The following TDRD12 variants were observed in gnomAD, a reference collection of about 807,000 sequenced individuals.
TDRD12 encodes tudor domain containing 12.
A neutral mutation model predicts 133.5 loss-of-function variants in TDRD12; 158 were observed. That is an observed-to-expected ratio of 1.18 (90% CI 1.04 to 1.35). The LOEUF (loss-of-function observed/expected upper bound fraction) is 1.35, where lower values mean the gene tolerates loss of function less well. Ranked by LOEUF, TDRD12 falls within the 40% of genes most tolerant of loss-of-function variation. The pLI, the probability that TDRD12 is intolerant of heterozygous loss-of-function variation, is 0.00. For missense variants in TDRD12, 1,443 were observed against 1,321.3 expected (o/e 1.09, Z -1.43); for synonymous variants, 460 against 477.9 (o/e 0.96, Z 0.49).
intron 20 of TDRD12, 52 bp from the exon 21 acceptor site, chr19:32,802,870 C>G: frequency 3.3e-6 from 5 of 1,527,452 alleles, no homozygotes; most frequent in Non-Finnish European, 4.4e-6. Flanking sequence ...AAGGTTTCCT[C>G]AGTCAGACTG....
chr19:32,741,382 A>G (rs1969421256), intron 3 of TDRD12, among the ~76,000 whole-genome samples: 1 of 152,156 alleles, frequency 6.6e-6, no homozygotes, highest in Non-Finnish European at 1.5e-5. Flanking sequence ...GCGCCAGCCA[A>G]GAGGTGTCTA....
Position 32,810,278 on chromosome 19 carries a change from G to A in TDRD12, c.2837+1G>A. 1 of 1,508,662 alleles carries A rather than the reference G, an allele frequency of 6.6e-7. No homozygotes were observed. The highest frequency in any genetic ancestry group is 8.8e-7 in the Non-Finnish European group (1 of 1,134,976). The allele number at this position is 1,508,662 out of a possible 1,614,324, so 93.5% of individuals were successfully genotyped here. A position where few individuals can be genotyped will look rare whatever the true frequency, so the allele number is the denominator to read the frequency against. ...TAGCAGAAAAAACGCTTTTTCACAGGTAACACATCTGTTTACTTCATCTGT... is the reference window on the plus strand; with the variant it reads ...TAGCAGAAAAAACGCTTTTTCACAGATAACACATCTGTTTACTTCATCTGT... On this transcript the variant is annotated splice_donor_variant, in intron 23 of 27. Coordinates refer to ENST00000444215, the Ensembl canonical transcript of TDRD12. LOFTEE classifies it high-confidence loss of function.
At chr19:32,807,627 A>G (rs900060193) in exon 22 of TDRD12, 3 of 1,535,386 alleles carry the variant, frequency 2.0e-6, no homozygotes, top group East Asian at 2.4e-5. Flanking sequence ...GCCAAGCCCT[A>G]CCTTCATTTG....
downstream of TDRD12, chr19:32,821,393 TGTGTGTGTGTGTGTGTGCGTGTGA>T (rs1967386401): frequency 5.0e-6 from 2 of 402,844 alleles, no homozygotes; most frequent in African/African-American, 5.3e-5. Context: ...TGTGTGTGTG[TGTGTGTGTGTGTGTGTGCGTGTGA>T]ACCACACCCA....
At chr19:32,776,209 T>C (rs1249784794) in intron 10 of TDRD12, among the ~76,000 whole-genome samples, 1 of 152,166 alleles carries the variant, frequency 6.6e-6, no homozygotes, top group East Asian at 1.9e-4. Context: ...CTTGGAGACA[T>C]TGGTGTGCAG....
exon 17 of TDRD12, chr19:32,800,334 T>C (rs770897086): frequency 4.9e-4 from 743 of 1,524,286 alleles, no homozygotes; most frequent in Non-Finnish European, 5.9e-4. Context: ...TGGAAGAGGC[T>C]GCTCTCTATG....
chr19:32,798,467 A>C (rs1447829629), intron 16 of TDRD12, 32 bp downstream of exon 16: 1 of 1,496,108 alleles, frequency 6.7e-7, no homozygotes, highest in Admixed American at 2.0e-5. Context: ...CAGCACTCAG[A>C]AGAGAGGCGT....
chr19:32,752,465 C>T (rs1306144925), intron 6 of TDRD12, among the ~76,000 whole-genome samples: 2 of 152,144 alleles, frequency 1.3e-5, no homozygotes, highest in African/African-American at 4.8e-5. Context: ...CAGGCGTGAG[C>T]CACCGTGCCT....
At chr19:32,727,272 G>A (rs1968891713) in intron 1 of TDRD12, among the ~76,000 whole-genome samples, 1 of 152,030 alleles carries the variant, frequency 6.6e-6, no homozygotes, top group South Asian at 2.1e-4. Context: ...TATCTTCTTT[G>A]GAGAAATGTC....
At chr19:32,725,716 A>G (rs1968837357) in intron 1 of TDRD12, among the ~76,000 whole-genome samples, 1 of 152,062 alleles carries the variant, frequency 6.6e-6, no homozygotes, top group South Asian at 2.1e-4. Flanking sequence ...TTGGTTCCCT[A>G]TCAATTTTAA....
intron 21 of TDRD12, among the ~76,000 whole-genome samples, chr19:32,805,988 T>TC (rs1971537535): frequency 6.6e-6 from 1 of 152,140 alleles, no homozygotes; most frequent in Admixed American, 6.5e-5. Flanking sequence ...TGCCTCAGCC[T>TC]CCCAAAGTGC....
At chr19:32,777,857 A>ATTTTTT (rs869285558) in intron 11 of TDRD12, among the ~76,000 whole-genome samples, 1 of 20,052 alleles carries the variant, frequency 5.0e-5, no homozygotes, top group Non-Finnish European at 8.1e-5. Context: ...ATATATATAT[A>ATTTTTT]TTTTTTTTTT....
Position 32,752,400 on chromosome 19 carries a change from A to G in TDRD12, c.582+2531A>G, listed in dbSNP as rs113038392. ...TCACCATGTTGGCCAGGCTGGTTTC[A>G]AACTCCTGACCTTAGGTGATCCACC... On this transcript the variant is annotated intron_variant, in intron 6 of 27. Coordinates refer to ENST00000444215, the Ensembl canonical transcript of TDRD12. 4.8e-4 allele frequency among the ~76,000 whole-genome samples: 72 copies of G among 149,470 alleles called. 1 individual carries two copies. Among genetic ancestry groups the G allele is most frequent in the African/African-American group, 1.8e-3 (71 of 40,516 alleles).
downstream of TDRD12, chr19:32,821,395 TGTGTGTGTGTGTGTGC>T (rs56191140): frequency 0.18 from 71,201 of 402,854 alleles, 4,319 homozygotes; most frequent in African/African-American, 0.25. Context: ...TGTGTGTGTG[TGTGTGTGTGTGTGTGC>T]GTGTGAACCA....
chr19:32,780,745 CT>C (rs1237340934), intron 11 of TDRD12, among the ~76,000 whole-genome samples: 1 of 151,634 alleles, frequency 6.6e-6, no homozygotes, highest in Non-Finnish European at 1.5e-5. Context: ...TTCACATAGC[CT>C]TTTGGTTTAC....
At chr19:32,759,522 G>A (rs4805807) in intron 8 of TDRD12, among the ~76,000 whole-genome samples, 37,951 of 151,712 alleles carry the variant, frequency 0.25, 5,095 homozygotes, top group Middle Eastern at 0.33. Context: ...AGGAGGCTGC[G>A]GCAGGAGAAT....
chr19:32,777,177 CCT>C lies in TDRD12; in HGVS notation c.1072_1073del (p.Leu358Ter), dbSNP rs1293504372. The C allele has an allele frequency of 6.5e-7, 1 of 1,538,534 alleles. No homozygotes were observed. The highest frequency in any genetic ancestry group is 8.7e-7 in the Non-Finnish European group (1 of 1,143,480). ...TTTAAGTCAGAAGTCAAATGAGAAACCTCTTAGATTGACTGAGAAGAAAGAAT... is the reference window on the plus strand; with the variant it reads ...TTTAAGTCAGAAGTCAAATGAGAAACCTTAGATTGACTGAGAAGAAAGAAT... On this transcript the variant is annotated frameshift_variant, in exon 11 of 28. Transcript: ENST00000444215. LOFTEE classifies it high-confidence loss of function.
intron 1 of TDRD12, among the ~76,000 whole-genome samples, chr19:32,721,551 A>T (rs963782800): frequency 6.6e-6 from 1 of 150,854 alleles, no homozygotes; most frequent in African/African-American, 2.4e-5. Context: ...ACACCTGGCT[A>T]ATTTTTGTAT....
At chr19:32,728,898 C>T (rs554681645) in intron 1 of TDRD12, among the ~76,000 whole-genome samples, 1 of 150,600 alleles carries the variant, frequency 6.6e-6, no homozygotes, top group Non-Finnish European at 1.5e-5. Context: ...CCGCCCGTCT[C>T]GGCCTCCCAA....
Sources: allele counts gnomAD v4.1 joint callset (sites outside exome capture counted in the v4.1 genomes callset), GRCh38; gene constraint gnomAD v4.1.1; transcripts MANE v1.5; gene names NCBI Gene and HGNC (gene_info 2026-07-23, HGNC 2026-07-21).